The following MICALL1 variants were observed in gnomAD, a reference collection of about 807,000 sequenced individuals.
The protein encoded by MICALL1 is MICAL like 1.
In MICALL1, 61 loss-of-function variants were observed where a neutral mutation model predicts 83.7. The observed-to-expected ratio is 0.73, with a 90% confidence interval of 0.59 to 0.90. The LOEUF is 0.90. MICALL1 is among the 40% of genes least tolerant of loss of function. The pLI is 0.00. For missense variants in MICALL1, 1,066 were observed against 1,152.0 expected (o/e 0.93, Z 1.08); for synonymous variants, 481 against 473.6 (o/e 1.02, Z -0.20).
intron 5 of MICALL1, among the ~76,000 whole-genome samples, chr22:37,921,619 C>G (rs950292801): frequency 5.3e-5 from 8 of 152,112 alleles, no homozygotes; most frequent in Non-Finnish European, 1.0e-4. Context: ...CAAAACAACA[C>G]CTGATTGGGT....
At chr22:37,923,940 G>A (rs1024953946) in intron 6 of MICALL1, among the ~76,000 whole-genome samples, 2 of 152,154 alleles carry the variant, frequency 1.3e-5, no homozygotes, top group Non-Finnish European at 2.9e-5. Context: ...GGCCCATTCT[G>A]TGGGTGCATT....
intron 3 of MICALL1, among the ~76,000 whole-genome samples, chr22:37,912,818 C>G (rs572832049): frequency 5.9e-5 from 9 of 151,794 alleles, no homozygotes; most frequent in African/African-American, 1.2e-4. Context: ...CCCGGCACCA[C>G]GCCCGGCTAA....
intron 13 of MICALL1, among the ~76,000 whole-genome samples, chr22:37,936,112 C>A (rs538607463): frequency 1.3e-5 from 2 of 152,130 alleles, no homozygotes; most frequent in South Asian, 4.1e-4. Context: ...ATCCCTGGAG[C>A]CTGCAGGCTG....
chr22:37,917,488 A>T (rs1046994309), intron 3 of MICALL1, among the ~76,000 whole-genome samples: 1 of 151,992 alleles, frequency 6.6e-6, no homozygotes, highest in Non-Finnish European at 1.5e-5. Context: ...TCCCCATTTG[A>T]TGGAGGTTCA....
chr22:37,918,493 G>A (rs899424540), intron 4 of MICALL1, among the ~76,000 whole-genome samples: 1 of 152,368 alleles, frequency 6.6e-6, no homozygotes, highest in African/African-American at 2.4e-5. Flanking sequence ...GAGGCTGGCA[G>A]GGGTTATACA....
At position 37,912,010 on chromosome 22, in the gene MICALL1, C is replaced by G. The variant is rs867986061; in HGVS notation, c.195+10C>G. On this transcript the variant is annotated intron_variant, in intron 2 of 15. Transcript: ENST00000215957. ...CGAGAATAACCGTTTGGTAAGTTCCCGGACAGGTGGAAGCCCAAGAGGCTC... is the reference window on the plus strand; with the variant it reads ...CGAGAATAACCGTTTGGTAAGTTCCGGGACAGGTGGAAGCCCAAGAGGCTC... 3.7e-6 allele frequency: 6 copies of G among 1,613,682 alleles called. 1 individual carries two copies. The Middle Eastern group carries it at 8.2e-4, about 222-fold the overall frequency.
At chr22:37,911,892 C>T (rs752903857) in intron 1 of MICALL1, 60 bp from the exon 2 acceptor site, 34 of 1,543,722 alleles carry the variant, frequency 2.2e-5, no homozygotes, top group African/African-American at 8.2e-5. Context: ...ACTCTGACCC[C>T]GCCCCTATTT....
Position 37,925,668 on chromosome 22 carries a change from G to A in MICALL1, c.1090G>A (p.Ala364Thr), listed in dbSNP as rs767305094. 5.7e-6 allele frequency: 9 copies of A among 1,588,660 alleles called. No individual in the cohort carries two copies. In the African/African-American group the frequency reaches 6.8e-5, roughly 12 times the overall value. ...GTPKPSEGTP[A>T]PRKDPPWITL... The stretch of plus-strand genomic sequence containing the variant: ...GCTTCCCCCCTCCTCCAGGACACCA[G>A]CCCCCAGGAAGGACCCCCCATGGAT... Residue 364 changes from alanine to threonine, a missense_variant, in exon 8 of 16, where the codon GCC becomes ACC. Ala to Thr is a moderately conservative substitution (Grantham distance 58). Coordinates refer to ENST00000215957, the MANE Select transcript of MICALL1 (RefSeq NM_033386.4).
At chr22:37,937,861 C>T (rs372506440) in intron 15 of MICALL1, 69 bp downstream of exon 15, 5 of 1,597,444 alleles carry the variant, frequency 3.1e-6, no homozygotes, top group Middle Eastern at 1.7e-4. Flanking sequence ...AAGGGAGGGA[C>T]TGGTTGAAGG....
At position 37,925,890 on chromosome 22, in the gene MICALL1, G is replaced by A; in HGVS notation, c.1312G>A (p.Ala438Thr). ...GGAGGAGGAGGACAAGGAGGAAGAG[G>A]CTCCAGCTGCACCCAGCCTGGCCAC... The part of the protein sequence containing the change: ...EEEEEDKEEE[A>T]PAAPSLATSP... The change falls in exon 8 of 16, where the codon GCT (alanine) becomes ACT (threonine). Residue 438 changes from alanine to threonine, a missense_variant. By Grantham distance (58) the Ala-to-Thr change is moderately conservative. Coordinates refer to ENST00000215957, the MANE Select transcript of MICALL1 (RefSeq NM_033386.4). 6.2e-7 allele frequency: 1 copy of A among 1,613,088 alleles called. No homozygotes were observed. Among genetic ancestry groups the A allele is most frequent in the Non-Finnish European group, 8.5e-7 (1 of 1,179,602 alleles).
chr22:37,913,939 G>A (rs760416396), intron 3 of MICALL1, among the ~76,000 whole-genome samples: 15 of 150,730 alleles, frequency 1.0e-4, no homozygotes, highest in Admixed American at 4.0e-4. Context: ...GCGATGGCGC[G>A]ATCTCGGCTT....
Position 37,906,681 on chromosome 22 carries a change from G to T in MICALL1, c.146+113G>T. ...GGTGACAGGCGCCGCCCCCGGACACGGAGACGCCGACCCCCCCGACGGCCC... is the reference window on the plus strand; with the variant it reads ...GGTGACAGGCGCCGCCCCCGGACACTGAGACGCCGACCCCCCCGACGGCCC... On this transcript the variant is annotated intron_variant, in intron 1 of 15. Transcript: ENST00000215957. This position sits in a 1 kb window ranked among gnomAD's most constrained non-coding sequence, Gnocchi z 4.4. The T allele has an allele frequency of 1.0e-6, 1 of 993,182 alleles. No individual in the cohort carries two copies. The allele number at this position is 993,182 out of a possible 1,614,324, so 61.5% of individuals were successfully genotyped here. A position where few individuals can be genotyped will look rare whatever the true frequency, so the allele number is the denominator to read the frequency against.
chr22:37,931,724 C>T, intron 9 of MICALL1, 75 bp from the exon 10 acceptor site: 1 of 1,576,572 alleles, frequency 6.3e-7, no homozygotes, highest in African/African-American at 1.3e-5. Context: ...TTTCCATGTT[C>T]CCAAATATGA....
chr22:37,908,959 G>A (rs904296514), intron 1 of MICALL1, among the ~76,000 whole-genome samples: 2 of 152,218 alleles, frequency 1.3e-5, no homozygotes, highest in East Asian at 3.8e-4. Context: ...ACAAGGTAGC[G>A]AGTTGGGAGA....
chr22:37,934,839 A>C lies in MICALL1; in HGVS notation c.2308+1727A>C, dbSNP rs908061610. The stretch of plus-strand genomic sequence containing the variant: ...TCTCGATCTCCTGACCTTGTGATCC[A>C]CCCACCTTAGCCTCCCAAAGTGCTG... On this transcript the variant is annotated intron_variant, in intron 13 of 15. Coordinates refer to ENST00000215957, the MANE Select transcript of MICALL1 (RefSeq NM_033386.4). Among the ~76,000 whole-genome samples, 7 of 150,468 alleles carry C rather than the reference A, an allele frequency of 4.7e-5. No individual in the cohort carries two copies. In the South Asian group the frequency reaches 1.5e-3, roughly 32 times the overall value.
In MICALL1 at chr22:37,922,119, G is replaced by C. The variant is rs745792902; in HGVS notation, c.717G>C (p.Gln239His). 1.2e-5 allele frequency: 19 copies of C among 1,613,162 alleles called. No individual in the cohort carries two copies. The highest frequency in any genetic ancestry group is 1.5e-5 in the Non-Finnish European group (18 of 1,180,016). ...TRPGPFSQPK[Q>H]QHQQQLAEDA... ...CTGGGCCCTTCTCACAGCCAAAGCA[G>C]CAGCACCAGCAGCAACTCGCAGAAG... Residue 239 changes from glutamine (Q) to histidine (H), a missense_variant, in exon 6 of 16, where the codon CAG becomes CAC. Gln to His is a conservative substitution (Grantham distance 24). Transcript: ENST00000215957.
chr22:37,937,126 G>T lies in MICALL1; in HGVS notation c.2355G>T (p.Met785Ile). Residue 785 changes from methionine to isoleucine, a missense_variant, in exon 14 of 16, where the codon ATG becomes ATT. Coordinates refer to ENST00000215957, the MANE Select transcript of MICALL1 (RefSeq NM_033386.4). The stretch of plus-strand genomic sequence containing the variant: ...ACCGGGCCCGGGAGAAGGTGCTGAT[G>T]CAGGAGCTTGTGACCCTCATTGAGC... ...EEDRAREKVLMQELVTLIEQR... is the reference protein window; with the variant it reads ...EEDRAREKVLIQELVTLIEQR... 1 of 1,551,660 alleles carries T rather than the reference G, an allele frequency of 6.4e-7. No homozygotes were observed.
chr22:37,915,642 ATTC>A (rs1928629612), intron 3 of MICALL1, among the ~76,000 whole-genome samples: 1 of 137,100 alleles, frequency 7.3e-6, no homozygotes, highest in African/African-American at 2.6e-5. Context: ...TTAGATTAGT[ATTC>A]TTTTTTTTTT....
intron 13 of MICALL1, among the ~76,000 whole-genome samples, chr22:37,935,122 C>T (rs574206395): frequency 9.4e-5 from 14 of 148,628 alleles, no homozygotes; most frequent in African/African-American, 2.5e-4. Flanking sequence ...TTAGTAGAGA[C>T]GGGGTTTCAC....
Sources: gnomAD v4.1 joint callset for allele counts (sites outside exome capture counted in the v4.1 genomes callset) on GRCh38, gnomAD v4.1.1 for gene constraint, Gnocchi (gnomAD v3.1) non-coding constraint, MANE v1.5 for transcripts, NCBI Gene and HGNC (gene_info 2026-07-23, HGNC 2026-07-21) for gene names.